ZNF451: variants seen among roughly 807,000 people sequenced by gnomAD.
ZNF451 encodes the protein E3 SUMO-protein ligase ZNF451.
Under a neutral mutation model 107.1 loss-of-function variants are expected in ZNF451, and 80 were observed. The ratio of observed to expected loss-of-function variants is 0.75; its 90% CI spans 0.62 to 0.90. ZNF451 has a LOEUF of 0.90. Among genes scored for constraint, ZNF451 ranks in the 40% least tolerant of loss-of-function variants. The pLI is 0.00. For missense variants in ZNF451, 1,107 were observed against 1,236.2 expected (o/e 0.90, Z 1.57); for synonymous variants, 362 against 406.5 (o/e 0.89, Z 1.32).
chr6:57,096,915 A>C (rs969221762), intron 2 of ZNF451, among the ~76,000 whole-genome samples: 2 of 150,842 alleles, frequency 1.3e-5, no homozygotes, highest in Non-Finnish European at 3.0e-5. Context: ...AGCTGGGACT[A>C]CAGGTGCCCG....
rs186501264 is a variant in ZNF451, at chr6:57,147,139, A to G, written c.1054A>G (p.Thr352Ala). The G allele has an allele frequency of 9.9e-6, 16 of 1,613,994 alleles. No individual in the cohort carries two copies. Among genetic ancestry groups the G allele is most frequent in the Non-Finnish European group, 2.5e-6 (3 of 1,179,902 alleles). The stretch of plus-strand genomic sequence containing the variant: ...TGTAGCTGTAGCTGAGAAGAGCATT[A>G]CCCAGGTTGCAGAGAAATTCATATT... ...GPVAVAEKSI[T>A]QVAEKFILRG... The change falls in exon 10 of 15, where the codon ACC becomes GCC. Residue 352 changes from threonine (T) to alanine (A), a missense_variant. By Grantham distance (58) the Thr-to-Ala change is moderately conservative. Transcript: ENST00000370706.
chr6:57,124,951 T>C (rs1255474669), intron 4 of ZNF451, 92 bp downstream of exon 4: 9 of 860,900 alleles, frequency 1.0e-5, no homozygotes, highest in African/African-American at 1.8e-5. Context: ...AGATATGATT[T>C]AATCAAAGCT....
At chr6:57,100,055 T>C (rs1416351042) in intron 3 of ZNF451, among the ~76,000 whole-genome samples, 1 of 152,192 alleles carries the variant, frequency 6.6e-6, no homozygotes, top group African/African-American at 2.4e-5. Context: ...TTCTTATAAC[T>C]ACAAACCATA....
chr6:57,131,038 G>A (rs140804489), intron 5 of ZNF451, among the ~76,000 whole-genome samples: 1 of 152,222 alleles, frequency 6.6e-6, no homozygotes, highest in Non-Finnish European at 1.5e-5. Context: ...CATATAGCTG[G>A]GGAATAGAGA....
chr6:57,137,154 A>G (rs1014418962), intron 7 of ZNF451, among the ~76,000 whole-genome samples: 2 of 152,228 alleles, frequency 1.3e-5, no homozygotes, highest in African/African-American at 4.8e-5. Flanking sequence ...TGTCACCACA[A>G]GGACTCTAAA....
chr6:57,134,881 G>A lies in ZNF451; in HGVS notation c.702+11G>A. The A allele has an allele frequency of 6.3e-7, 1 of 1,594,886 alleles. No individual in the cohort carries two copies. The highest frequency in any genetic ancestry group is 8.6e-7 in the Non-Finnish European group (1 of 1,169,584). ...CACCTTTTTGATAAGGTAAGAGCAT[G>A]TCCTAAATTAAAAGTATTATTTTTC... On this transcript the variant is annotated intron_variant, in intron 7 of 14. Coordinates refer to ENST00000370706, the MANE Select transcript of ZNF451 (RefSeq NM_001031623.3).
intron 3 of ZNF451, among the ~76,000 whole-genome samples, chr6:57,111,415 C>CT (rs1830109829): frequency 6.6e-6 from 1 of 150,492 alleles, no homozygotes; most frequent in Non-Finnish European, 1.5e-5. Flanking sequence ...GAGTCTCACT[C>CT]TGTCGCTGAG....
intron 2 of ZNF451, among the ~76,000 whole-genome samples, chr6:57,096,219 T>C (rs1225371721): frequency 7.4e-6 from 1 of 135,496 alleles, no homozygotes; most frequent in African/African-American, 2.8e-5. Flanking sequence ...AGTTTCGCTC[T>C]TGTCACCCAG....
At chr6:57,122,774 G>A (rs567985853) in intron 3 of ZNF451, among the ~76,000 whole-genome samples, 10 of 152,168 alleles carry the variant, frequency 6.6e-5, no homozygotes, top group African/African-American at 2.4e-4. Context: ...CACTGTTGGT[G>A]GAAATGCAAA....
intron 14 of ZNF451, among the ~76,000 whole-genome samples, chr6:57,164,598 TTAATAGCAGTCAAAACTGC>T: frequency 2.0e-5 from 3 of 152,344 alleles, no homozygotes; most frequent in Admixed American, 2.0e-4. Context: ...ATTCCTTCAA[TTAATAGCAGTCAAAACTGC>T]TCTTAATCTT....
chr6:57,141,506 G>A lies in ZNF451; in HGVS notation c.856+51G>A, dbSNP rs904164840. On this transcript the variant is annotated intron_variant, in intron 8 of 14. Transcript: ENST00000370706. ...AAATTAAACTACTTGAATCTTTGCT[G>A]ATTTATCATACTTCTCAGATCATTC... 12 of 1,495,006 alleles carry A rather than the reference G, an allele frequency of 8.0e-6. No homozygotes were observed. In the Admixed American group the frequency reaches 1.7e-4, roughly 21 times the overall value. The allele number at this position is 1,495,006 out of a possible 1,614,324, so 92.6% of individuals were successfully genotyped here.
Position 57,124,783 on chromosome 6 carries a change from CTT to C in ZNF451, c.238_239del (p.Leu80AsnfsTer10). The C allele has an allele frequency of 6.2e-7, 1 of 1,607,492 alleles. No individual in the cohort carries two copies. The highest frequency in any genetic ancestry group is 8.5e-7 in the Non-Finnish European group (1 of 1,174,534). On this transcript the variant is annotated frameshift_variant, in exon 4 of 15. Transcript: ENST00000370706. LOFTEE classifies it high-confidence loss of function. Reference sequence around the variant, plus strand: ...ATTGATTATCAGAAGGATAAAGTTGCTTTAACTCTGGCTCGTCTAGCCCGCCA... The same window carrying C: ...ATTGATTATCAGAAGGATAAAGTTGCTAACTCTGGCTCGTCTAGCCCGCCA...
intron 13 of ZNF451, among the ~76,000 whole-genome samples, chr6:57,157,583 A>T (rs546602235): frequency 6.6e-6 from 1 of 152,172 alleles, no homozygotes; most frequent in Non-Finnish European, 1.5e-5. Flanking sequence ...TTACGCTATG[A>T]TATATGTATA....
At chr6:57,161,038 A>G (rs751796104) in intron 13 of ZNF451, 46 bp from the exon 14 acceptor site, 2 of 1,265,530 alleles carry the variant, frequency 1.6e-6, no homozygotes, top group Admixed American at 4.9e-5. Context: ...TTGAGAATAC[A>G]TAAATTTATG....
chr6:57,147,026 T>A (rs1202409724), intron 9 of ZNF451, 64 bp from the exon 10 acceptor site: 28 of 1,411,906 alleles, frequency 2.0e-5, no homozygotes, highest in Non-Finnish European at 2.7e-5. Context: ...TGCAATAAAA[T>A]GCAGCAATGG....
chr6:57,136,335 T>G (rs1042271876), intron 7 of ZNF451, among the ~76,000 whole-genome samples: 2 of 152,184 alleles, frequency 1.3e-5, no homozygotes, highest in Admixed American at 1.3e-4. Flanking sequence ...TTCCTTCCTT[T>G]TTTTTAGAGA....
At chr6:57,106,904 T>C (rs1225287091) in intron 3 of ZNF451, 6 of 947,238 alleles carry the variant, frequency 6.3e-6, no homozygotes, top group Non-Finnish European at 7.5e-6. Flanking sequence ...CTTTTTATTA[T>C]TTTTCCAGAT....
chr6:57,107,866 T>C (rs1265096515), intron 3 of ZNF451: 3 of 926,684 alleles, frequency 3.2e-6, no homozygotes, highest in Non-Finnish European at 3.8e-6. Context: ...TGAGACGGAG[T>C]CTTGCTCTGT....
Position 57,103,356 on chromosome 6 carries a change from C to G in ZNF451, c.186+4215C>G, listed in dbSNP as rs74594559. 101 of 985,378 alleles carry G rather than the reference C, an allele frequency of 1.0e-4. No homozygotes were observed. The Middle Eastern group carries it at 1.6e-3, about 15-fold the overall frequency. 61.0% of individuals were successfully genotyped at this position (985,378 alleles called of 1,614,324 possible). On this transcript the variant is annotated intron_variant, in intron 3 of 14. Transcript: ENST00000370706. ...GGCTGAAATCAAGATTTAAGTGATACGCTCTTGGTTAATTGGTTACTTAAT... is the reference window on the plus strand; with the variant it reads ...GGCTGAAATCAAGATTTAAGTGATAGGCTCTTGGTTAATTGGTTACTTAAT...
Sources: allele counts gnomAD v4.1 joint callset (sites outside exome capture counted in the v4.1 genomes callset), GRCh38; gene constraint gnomAD v4.1.1; transcripts MANE v1.5; gene names NCBI Gene and HGNC (gene_info 2026-07-23, HGNC 2026-07-21).